HYCC1: variants seen among roughly 807,000 people sequenced by gnomAD.
HYCC1 encodes the protein hyccin PI4KA lipid kinase complex subunit 1.
the HYCC1 span, among the ~76,000 whole-genome samples, chr7:23,010,896 C>G: frequency 6.6e-6 from 1 of 152,176 alleles, no homozygotes; most frequent in Non-Finnish European, 1.5e-5. Context: ...AAAAGTCTCA[C>G]TTAAGCATGT....
the HYCC1 span, among the ~76,000 whole-genome samples, chr7:22,970,286 A>G: frequency 9.7e-5 from 14 of 143,936 alleles, no homozygotes; most frequent in Admixed American, 2.1e-4. Flanking sequence ...TTATTTACCA[A>G]TGAAAGATTT....
At chr7:22,970,272 GATTTT>G in the HYCC1 span, among the ~76,000 whole-genome samples, 1 of 141,174 alleles carries the variant, frequency 7.1e-6, no homozygotes, top group East Asian at 1.9e-4. Context: ...TAAAACTGAT[GATTTT>G]ATTTACCAAT....
chr7:22,978,238 A>G, the HYCC1 span: 14 of 1,606,904 alleles, frequency 8.7e-6, no homozygotes, highest in South Asian at 1.3e-4. Context: ...TTTTGTCAAA[A>G]AAGATTTTGT....
the HYCC1 span, among the ~76,000 whole-genome samples, chr7:23,000,369 T>G: frequency 1.3e-5 from 2 of 152,108 alleles, no homozygotes; most frequent in African/African-American, 2.4e-5. Context: ...TTTATATAGA[T>G]AGGTACCTAT....
the HYCC1 span, among the ~76,000 whole-genome samples, chr7:22,932,713 T>A: frequency 2.6e-5 from 4 of 152,196 alleles, no homozygotes; most frequent in Admixed American, 6.5e-5. Context: ...TGAAGGATGC[T>A]GAGATTAGGT....
chr7:22,949,323 A>G, the HYCC1 span, among the ~76,000 whole-genome samples: 109 of 152,176 alleles, frequency 7.2e-4, no homozygotes, highest in African/African-American at 2.4e-3. Context: ...CTACACAACT[A>G]TTCAGTGGGG....
At chr7:22,964,640 A>G in the HYCC1 span, 10 of 675,100 alleles carry the variant, frequency 1.5e-5, no homozygotes, top group Non-Finnish European at 2.1e-5. Context: ...AACAAACCTA[A>G]TATTTATGAA....
the HYCC1 span, among the ~76,000 whole-genome samples, chr7:22,963,487 T>C: frequency 2.3e-3 from 345 of 152,264 alleles, 10 homozygotes; most frequent in East Asian, 0.058. Flanking sequence ...GCTGAAGATA[T>C]AGCTAACAGA....
the HYCC1 span, among the ~76,000 whole-genome samples, chr7:22,988,294 G>A: frequency 6.6e-6 from 1 of 152,060 alleles, no homozygotes; most frequent in Non-Finnish European, 1.5e-5. Context: ...AGTTAATCTT[G>A]GGGTTGGGCA....
the HYCC1 span, chr7:22,937,081 A>G: frequency 2.0e-5 from 3 of 152,212 alleles, no homozygotes; most frequent in Admixed American, 2.0e-4. Context: ...AGAATAGAGG[A>G]AGAAAAAGTG....
the HYCC1 span, chr7:22,934,195 CTCTTTTTTTTCTT>C: frequency 7.3e-6 from 1 of 136,838 alleles, no homozygotes; most frequent in Admixed American, 8.0e-5. Context: ...AAGTTTCCGC[CTCTTTTTTTTCTT>C]TTTTTTTTTT....
chr7:22,941,499 T>C, the HYCC1 span: 2 of 152,078 alleles, frequency 1.3e-5, no homozygotes, highest in Non-Finnish European at 2.9e-5. Flanking sequence ...AAGATTAGTA[T>C]CACTAAATGA....
the HYCC1 span, among the ~76,000 whole-genome samples, chr7:22,925,072 A>C: frequency 2.6e-5 from 4 of 152,186 alleles, no homozygotes; most frequent in African/African-American, 7.2e-5. Context: ...AGGCAAACAG[A>C]GTCTGAAGTG....
chr7:22,909,529 CG>C, the HYCC1 span, among the ~76,000 whole-genome samples: 1 of 152,196 alleles, frequency 6.6e-6, no homozygotes, highest in East Asian at 1.9e-4. Context: ...TGACTTTAAT[CG>C]ATATCCCTTT....
the HYCC1 span, chr7:22,983,799 C>T: frequency 1.6e-6 from 1 of 608,812 alleles, no homozygotes; most frequent in Admixed American, 2.8e-5. Context: ...TATTTCTTGG[C>T]TTGGGGAATG....
chr7:22,962,910 C>G, the HYCC1 span, among the ~76,000 whole-genome samples: 2 of 151,988 alleles, frequency 1.3e-5, no homozygotes, highest in Non-Finnish European at 1.5e-5. Context: ...AAGCTGAGGA[C>G]GAAGCAGGAG....
the HYCC1 span, among the ~76,000 whole-genome samples, chr7:22,926,821 C>T: frequency 6.6e-6 from 1 of 151,652 alleles, no homozygotes; most frequent in East Asian, 1.9e-4. Flanking sequence ...CTCAGCTCTG[C>T]ACCAAGCAGA....
the HYCC1 span, among the ~76,000 whole-genome samples, chr7:23,009,774 A>G: frequency 0.023 from 3,432 of 152,264 alleles, 53 homozygotes; most frequent in Non-Finnish European, 0.032. Context: ...CAGAGGAATG[A>G]TTTTATCCTC....
chr7:22,899,468 A>C, the HYCC1 span, among the ~76,000 whole-genome samples: 7 of 152,340 alleles, frequency 4.6e-5, no homozygotes, highest in South Asian at 1.4e-3. Context: ...CATGAGACTG[A>C]CCAACCTGTC....
Sources: allele counts gnomAD v4.1 joint callset (sites outside exome capture counted in the v4.1 genomes callset), GRCh38; gene constraint gnomAD v4.1.1; transcripts MANE v1.5; gene names NCBI Gene and HGNC (gene_info 2026-07-23, HGNC 2026-07-21).